The following ANO3 variants were observed in gnomAD, a reference collection of about 807,000 sequenced individuals.
ANO3 encodes anoctamin-3.
Under a neutral mutation model 144.8 loss-of-function variants are expected in ANO3, and 99 were observed. The ratio of observed to expected loss-of-function variants is 0.68; its 90% CI spans 0.58 to 0.81. The LOEUF is 0.81. Among genes scored for constraint, ANO3 ranks in the 30% least tolerant of loss-of-function variants. ANO3 has a pLI of 0.00. For synonymous variants in ANO3, 414 were observed against 392.6 expected (o/e 1.05, Z -0.64); for missense variants, 905 against 1,202.2 (o/e 0.75, Z 3.66).
At chr11:26,231,685 A>G (rs1852403085) in intron 1 of ANO3, among the ~76,000 whole-genome samples, 1 of 152,180 alleles carries the variant, frequency 6.6e-6, no homozygotes, top group Admixed American at 6.5e-5. Flanking sequence ...TAAGTTCTCT[A>G]TGCCTCAATT....
At chr11:26,253,520 G>A (rs539993034) in intron 1 of ANO3, among the ~76,000 whole-genome samples, 1 of 150,068 alleles carries the variant, frequency 6.7e-6, no homozygotes, top group Admixed American at 6.6e-5. Flanking sequence ...GTTTACCTAC[G>A]TAACAAACCT....
At chr11:26,646,834 A>T (rs1853360014) in intron 23 of ANO3, among the ~76,000 whole-genome samples, 1 of 152,136 alleles carries the variant, frequency 6.6e-6, no homozygotes, top group Non-Finnish European at 1.5e-5. Flanking sequence ...ACTTTTGTAC[A>T]AATAAATGTT....
intron 4 of ANO3, among the ~76,000 whole-genome samples, chr11:26,503,878 C>T (rs1861299247): frequency 6.6e-6 from 1 of 150,726 alleles, no homozygotes; most frequent in African/African-American, 2.5e-5. Flanking sequence ...ATATAGAATA[C>T]TTTTAAAAAC....
chr11:26,295,265 G>A (rs1854059971), intron 1 of ANO3, among the ~76,000 whole-genome samples: 1 of 151,784 alleles, frequency 6.6e-6, no homozygotes, highest in Non-Finnish European at 1.5e-5. Flanking sequence ...TGATAATAAG[G>A]TCTTTGTTTT....
At chr11:26,386,925 G>A (rs1009094836) in intron 1 of ANO3, among the ~76,000 whole-genome samples, 1 of 152,048 alleles carries the variant, frequency 6.6e-6, no homozygotes, top group African/African-American at 2.4e-5. Flanking sequence ...GTTTACGTAG[G>A]TAAGTGGTAG....
chr11:26,324,525 CT>C (rs1854837680), intron 1 of ANO3, among the ~76,000 whole-genome samples: 1 of 152,200 alleles, frequency 6.6e-6, no homozygotes, highest in Non-Finnish European at 1.5e-5. Flanking sequence ...AGAATATACA[CT>C]TTTAAAAATG....
intron 6 of ANO3, among the ~76,000 whole-genome samples, chr11:26,521,324 G>A (rs1187916940): frequency 6.6e-6 from 1 of 152,002 alleles, no homozygotes; most frequent in African/African-American, 2.4e-5. Flanking sequence ...TACTCATACA[G>A]AGCAGTTCCA....
At chr11:26,477,952 G>A (rs1403157542) in intron 4 of ANO3, among the ~76,000 whole-genome samples, 1 of 152,054 alleles carries the variant, frequency 6.6e-6, no homozygotes, top group Non-Finnish European at 1.5e-5. Context: ...GAATAATTTG[G>A]CAAAACAAGC....
intron 1 of ANO3, among the ~76,000 whole-genome samples, chr11:26,272,815 A>G (rs896444216): frequency 1.3e-5 from 2 of 152,158 alleles, no homozygotes; most frequent in Admixed American, 6.6e-5. Flanking sequence ...ATAAACAAAT[A>G]CCAGGTTATA....
At chr11:26,459,188 G>A (rs1046992336) in intron 3 of ANO3, among the ~76,000 whole-genome samples, 2 of 152,128 alleles carry the variant, frequency 1.3e-5, no homozygotes, top group Admixed American at 6.6e-5. Context: ...GGGAATGATA[G>A]TAAGGAGCTA....
intron 1 of ANO3, among the ~76,000 whole-genome samples, chr11:26,323,475 T>C (rs1288360161): frequency 1.3e-5 from 2 of 152,124 alleles, no homozygotes; most frequent in Non-Finnish European, 2.9e-5. Flanking sequence ...AATGGCTGGA[T>C]AAATTGCTTG....
intron 1 of ANO3, among the ~76,000 whole-genome samples, chr11:26,281,166 A>T (rs1157391622): frequency 6.6e-6 from 1 of 152,222 alleles, no homozygotes; most frequent in Non-Finnish European, 1.5e-5. Context: ...AGAAATAAAG[A>T]TATAGAAAGG....
At chr11:26,548,010 G>A (rs945534922) in intron 12 of ANO3, among the ~76,000 whole-genome samples, 2 of 151,816 alleles carry the variant, frequency 1.3e-5, no homozygotes, top group Non-Finnish European at 2.9e-5. Flanking sequence ...TGCACATGAG[G>A]GAACCTAATA....
intron 1 of ANO3, among the ~76,000 whole-genome samples, chr11:26,397,224 A>G (rs538794851): frequency 6.6e-6 from 1 of 151,600 alleles, no homozygotes. Context: ...GTACTTAAGT[A>G]CTTTGAACCT....
chr11:26,267,105 AAAAAG>A (rs199809832), intron 1 of ANO3, among the ~76,000 whole-genome samples: 4 of 151,380 alleles, frequency 2.6e-5, no homozygotes, highest in Admixed American at 6.6e-5. Flanking sequence ...AACAAAAAAA[AAAAAG>A]AAAAGAAAAG....
intron 1 of ANO3, among the ~76,000 whole-genome samples, chr11:26,412,033 T>C (rs181720098): frequency 0.012 from 1,754 of 152,150 alleles, 17 homozygotes; most frequent in Non-Finnish European, 0.018. Context: ...AATTTTAATG[T>C]GATTTCCAAC....
At chr11:26,473,059 A>G (rs1859838953) in intron 4 of ANO3, among the ~76,000 whole-genome samples, 1 of 151,990 alleles carries the variant, frequency 6.6e-6, no homozygotes, top group African/African-American at 2.4e-5. Context: ...TGCCACAGAC[A>G]ATTTAAACCT....
chr11:26,381,454 C>T (rs1216363065), intron 1 of ANO3, among the ~76,000 whole-genome samples: 10 of 152,144 alleles, frequency 6.6e-5, no homozygotes, highest in Admixed American at 5.9e-4. Context: ...CCTACTACGC[C>T]TACACTTTCT....
At chr11:26,344,953 CT>C (rs1186634986) in intron 1 of ANO3, among the ~76,000 whole-genome samples, 1 of 83,392 alleles carries the variant, frequency 1.2e-5, no homozygotes, top group Non-Finnish European at 3.1e-5. Context: ...ATAAAACTTA[CT>C]TTTACATGCT....
Sources: gnomAD v4.1 joint callset for allele counts (sites outside exome capture counted in the v4.1 genomes callset) on GRCh38, gnomAD v4.1.1 for gene constraint, MANE v1.5 for transcripts, NCBI Gene and HGNC (gene_info 2026-07-23, HGNC 2026-07-21) for gene names.